Variants in MARCHF11 observed in about 807,000 individuals in gnomAD.
The protein encoded by MARCHF11 is E3 ubiquitin-protein ligase MARCHF11.
A neutral mutation model predicts 37.3 loss-of-function variants in MARCHF11; 29 were observed. That is an observed-to-expected ratio of 0.78 (90% confidence interval 0.58 to 1.06). The LOEUF is 1.06. Ranked by LOEUF, MARCHF11 falls within the 50% of genes least tolerant of loss-of-function variation. The probability of loss-of-function intolerance (pLI) is 0.00; values close to 1 mark genes in which losing one functional copy is unlikely to be tolerated. For missense variants in MARCHF11, 482 were observed against 533.4 expected (o/e 0.90, Z 0.95); for synonymous variants, 233 against 228.0 (o/e 1.02, Z -0.20).
intron 2 of MARCHF11, among the ~76,000 whole-genome samples, chr5:16,130,461 T>G (rs1412381452): frequency 1.3e-5 from 2 of 152,168 alleles, no homozygotes; most frequent in Non-Finnish European, 2.9e-5. Context: ...AGTTTTGTTG[T>G]TTTGTGCACT....
At chr5:16,089,602 TAA>T (rs34711667) in intron 3 of MARCHF11, among the ~76,000 whole-genome samples, 73 of 138,228 alleles carry the variant, frequency 5.3e-4, no homozygotes, top group East Asian at 1.0e-3. Flanking sequence ...AAGAAAAAAG[TAA>T]AAAAAAAAAA....
chr5:16,161,469 A>G (rs1738076376), intron 2 of MARCHF11, among the ~76,000 whole-genome samples: 1 of 151,878 alleles, frequency 6.6e-6, no homozygotes, highest in Admixed American at 6.6e-5. Flanking sequence ...TTCCCATCTT[A>G]TTTGGGAAAC....
At chr5:16,147,559 A>G (rs770153322) in intron 2 of MARCHF11, among the ~76,000 whole-genome samples, 1 of 152,230 alleles carries the variant, frequency 6.6e-6, no homozygotes, top group African/African-American at 2.4e-5. Flanking sequence ...CCTGGGCACT[A>G]TCTCTGGGAG....
At position 16,078,561 on chromosome 5, in the gene MARCHF11, C is replaced by T. The variant is rs973965534; in HGVS notation, c.887-10768G>A. On this transcript the variant is annotated intron_variant, in intron 3 of 3. Coordinates refer to ENST00000332432, the MANE Select transcript of MARCHF11 (RefSeq NM_001102562.3). ...TCCTCAGTGTTCTGCATGGAAGCAT[C>T]ATTTAGAAGAATGGTCATGTTCACA... Among the ~76,000 whole-genome samples, 60 of 152,116 alleles carry T rather than the reference C, an allele frequency of 3.9e-4. 2 individuals carry two copies.
intron 3 of MARCHF11, among the ~76,000 whole-genome samples, chr5:16,068,332 A>T (rs191185583): frequency 4.9e-4 from 75 of 152,360 alleles, no homozygotes; most frequent in African/African-American, 1.7e-3. Flanking sequence ...ACAAAAATGT[A>T]TTGAACAGTT....
chr5:16,112,761 T>C (rs1010856686), intron 2 of MARCHF11, among the ~76,000 whole-genome samples: 12 of 152,174 alleles, frequency 7.9e-5, no homozygotes, highest in Non-Finnish European at 2.9e-5. Context: ...TACCTAAATC[T>C]CATCTTGAAT....
intron 2 of MARCHF11, among the ~76,000 whole-genome samples, chr5:16,145,340 A>G (rs1737780646): frequency 6.6e-6 from 1 of 152,174 alleles, no homozygotes; most frequent in Admixed American, 6.5e-5. Flanking sequence ...CAGAATGGGC[A>G]TTCAGGAGGG....
At chr5:16,164,032 C>A (rs1738129496) in intron 2 of MARCHF11, among the ~76,000 whole-genome samples, 2 of 152,082 alleles carry the variant, frequency 1.3e-5, no homozygotes. Context: ...CCTCACCAGA[C>A]ACCAAACCTG....
In MARCHF11 at chr5:16,179,400, G is replaced by A. The variant is rs1738429201; in HGVS notation, c.176C>T (p.Pro59Leu). Residue 59 changes from proline (P) to leucine (L), a missense_variant, in exon 1 of 4, where the codon CCC (proline) becomes CTC (leucine). Transcript: ENST00000332432. ...LPPLPASPET[P>L]ERAAGPSEPL... Reference sequence around the variant, plus strand: ...CTCGCTTGGCCCCGCGGCGCGCTCGGGGGTCTCGGGGGACGCGGGCAGCGG... The same window carrying A: ...CTCGCTTGGCCCCGCGGCGCGCTCGAGGGTCTCGGGGGACGCGGGCAGCGG... 1 of 1,140,870 alleles carries A rather than the reference G, an allele frequency of 8.8e-7. No individual in the cohort carries two copies. The highest frequency in any genetic ancestry group is 1.1e-6 in the Non-Finnish European group (1 of 930,406). 70.7% of individuals were successfully genotyped at this position (1,140,870 alleles called of 1,614,324 possible).
chr5:16,115,178 G>A (rs1350832321), intron 2 of MARCHF11, among the ~76,000 whole-genome samples: 3 of 152,168 alleles, frequency 2.0e-5, no homozygotes, highest in Non-Finnish European at 1.5e-5. Context: ...ATGAAGTATC[G>A]AGCCAATTTA....
intron 3 of MARCHF11, among the ~76,000 whole-genome samples, chr5:16,084,414 AGGCG>A (rs1426765846): frequency 6.6e-6 from 1 of 152,180 alleles, no homozygotes; most frequent in African/African-American, 2.4e-5. Flanking sequence ...AGGCCGAGGC[AGGCG>A]GGTCACTTGA....
intron 3 of MARCHF11, among the ~76,000 whole-genome samples, chr5:16,085,326 T>C (rs1736676670): frequency 1.3e-5 from 2 of 152,294 alleles, no homozygotes; most frequent in Middle Eastern, 3.4e-3. Context: ...CTCGTCTATG[T>C]CCCTGCATGT....
intron 2 of MARCHF11, among the ~76,000 whole-genome samples, chr5:16,094,766 C>G (rs1049032840): frequency 3.3e-5 from 5 of 151,956 alleles, no homozygotes; most frequent in Non-Finnish European, 5.9e-5. Context: ...GAAAGCTCAC[C>G]CTCATTTAGT....
At chr5:16,123,847 C>T (rs111230183) in intron 2 of MARCHF11, among the ~76,000 whole-genome samples, 4,489 of 152,146 alleles carry the variant, frequency 0.03, 236 homozygotes, top group African/African-American at 0.1. Context: ...TAAGTCACAG[C>T]CTTCTTTAAT....
chr5:16,138,407 C>T (rs1365591162), intron 2 of MARCHF11, among the ~76,000 whole-genome samples: 1 of 152,222 alleles, frequency 6.6e-6, no homozygotes, highest in Non-Finnish European at 1.5e-5. Flanking sequence ...TTGCGAACTT[C>T]TCCCTAGATT....
chr5:16,145,815 C>T (rs567992525), intron 2 of MARCHF11, among the ~76,000 whole-genome samples: 2 of 152,238 alleles, frequency 1.3e-5, no homozygotes, highest in Admixed American at 6.5e-5. Context: ...GTATGACACA[C>T]GGCCCTCAAA....
rs1158117808 is a variant in MARCHF11, at chr5:16,114,902, G to A, written c.694-23821C>T. 3.3e-5 allele frequency among the ~76,000 whole-genome samples: 5 copies of A among 152,196 alleles called. No homozygotes were observed. In the South Asian group the frequency reaches 1.0e-3, roughly 32 times the overall value. On this transcript the variant is annotated intron_variant, in intron 2 of 3. Coordinates refer to ENST00000332432, the MANE Select transcript of MARCHF11 (RefSeq NM_001102562.3). ...CTGATTAAATTTACTTTGATTATTT[G>A]GATGGTTGTTTAAGAATTAAGAACT...
chr5:16,073,901 TAATA>T (rs1330692016), intron 3 of MARCHF11, among the ~76,000 whole-genome samples: 1 of 152,174 alleles, frequency 6.6e-6, no homozygotes, highest in African/African-American at 2.4e-5. Context: ...CAGATGGACT[TAATA>T]GATATTTCCA....
intron 2 of MARCHF11, among the ~76,000 whole-genome samples, chr5:16,168,941 GGA>G (rs1283164319): frequency 1.3e-5 from 2 of 152,038 alleles, no homozygotes; most frequent in Non-Finnish European, 2.9e-5. Flanking sequence ...TTAATACTAG[GGA>G]GAGAGTTGGG....
Sources: gnomAD v4.1 joint callset for allele counts (sites outside exome capture counted in the v4.1 genomes callset) on GRCh38, gnomAD v4.1.1 for gene constraint, MANE v1.5 for transcripts, NCBI Gene and HGNC (gene_info 2026-07-23, HGNC 2026-07-21) for gene names.